Variants in MAPK10 observed in about 807,000 individuals in gnomAD.
MAPK10 encodes JNK3 alpha protein kinase.
In MAPK10, 25 loss-of-function variants were observed where a neutral mutation model predicts 59.3. That is an observed-to-expected ratio of 0.42 (90% CI 0.31 to 0.59). The LOEUF (loss-of-function observed/expected upper bound fraction) is 0.59, where lower values mean the gene tolerates loss of function less well. Among genes scored for constraint, MAPK10 ranks in the 20% least tolerant of loss-of-function variants. The pLI is 0.15. For missense variants in MAPK10, 351 were observed against 568.9 expected, an observed-to-expected ratio of 0.62 and a Z score of 3.90; for synonymous variants, 190 against 200.5, an observed-to-expected ratio of 0.95 and a Z score of 0.44.
chr4:86,155,882 C>A (rs1488337745), intron 4 of MAPK10, among the ~76,000 whole-genome samples: 1 of 151,944 alleles, frequency 6.6e-6, no homozygotes, highest in African/African-American at 2.4e-5. Flanking sequence ...TGAACACAAG[C>A]ACTGCAATAT....
chr4:86,350,363 C>T (rs1340270607), intron 2 of MAPK10, among the ~76,000 whole-genome samples: 10 of 152,094 alleles, frequency 6.6e-5, no homozygotes, highest in African/African-American at 1.9e-4. Context: ...TACAGGAACC[C>T]GCCACCATGC....
At chr4:86,089,272 T>C (rs766242126) in intron 9 of MAPK10, 117 of 1,610,438 alleles carry the variant, frequency 7.3e-5, no homozygotes, top group Non-Finnish European at 9.8e-5. Context: ...ACTGACCACA[T>C]GTCAACTGAA....
chr4:86,254,821 T>C (rs1274629368), intron 2 of MAPK10, among the ~76,000 whole-genome samples: 2 of 151,898 alleles, frequency 1.3e-5, no homozygotes, highest in African/African-American at 4.8e-5. Context: ...AGTCTCTTTG[T>C]AGGTCACTCA....
intron 9 of MAPK10, chr4:86,089,222 C>T: frequency 6.2e-7 from 1 of 1,612,228 alleles, no homozygotes; most frequent in Non-Finnish European, 8.5e-7. Context: ...TGCCAGGAAA[C>T]AGCACTGCAC....
chr4:86,300,885 A>G (rs1265709651), intron 2 of MAPK10: 1 of 141,640 alleles, frequency 7.1e-6, no homozygotes, highest in Non-Finnish European at 1.6e-5. Flanking sequence ...TCAAATTGTT[A>G]AAGTATTAAA....
At chr4:86,225,336 T>C (rs1355879188) in intron 2 of MAPK10, among the ~76,000 whole-genome samples, 2 of 152,180 alleles carry the variant, frequency 1.3e-5, no homozygotes, top group Non-Finnish European at 2.9e-5. Context: ...GGTGCCTACA[T>C]GACTAGCCAC....
chr4:86,023,446 G>A (rs976125177), intron 13 of MAPK10, among the ~76,000 whole-genome samples: 1 of 152,056 alleles, frequency 6.6e-6, no homozygotes, highest in African/African-American at 2.4e-5. Flanking sequence ...ATTTTAAGAT[G>A]GGGCTTGTCA....
chr4:86,353,314 G>A (rs934151285), intron 2 of MAPK10, among the ~76,000 whole-genome samples: 30 of 152,034 alleles, frequency 2.0e-4, no homozygotes, highest in African/African-American at 7.0e-4. Flanking sequence ...TCTTTTATCT[G>A]CCCCAAAAGC....
intron 2 of MAPK10, among the ~76,000 whole-genome samples, chr4:86,310,537 G>A (rs928324874): frequency 2.6e-5 from 4 of 152,134 alleles, no homozygotes; most frequent in Admixed American, 2.6e-4. Context: ...AACGTGCATA[G>A]TACATTGGAT....
chr4:86,372,564 G>GAAAGAAAGAAAGAAAGAGAAAAGAAAAGA, intron 1 of MAPK10, among the ~76,000 whole-genome samples: 1 of 78,690 alleles, frequency 1.3e-5, no homozygotes, highest in Non-Finnish European at 2.8e-5. Flanking sequence ...AAGAAAGAAA[G>GAAAGAAAGAAAGAAAGAGAAAAGAAAAGA]AAAGAAAAGA....
rs544302606 is a variant in MAPK10 at position 86,401,022 on chromosome 4, A to G, written c.-121-46378T>C. On this transcript the variant is annotated intron_variant, in intron 1 of 13. Coordinates refer to the MAPK10 transcript ENST00000361569. ...CAGTTAATAAATTGTAACTTAAAAA[A>G]TTACAAATTAGTGGTCTTAGTATAT... is the stretch of plus-strand genomic sequence containing the variant. Among the ~76,000 whole-genome samples the G allele has an allele frequency of 2.7e-4, 41 of 152,318 alleles. No homozygotes were observed. In the South Asian group the frequency reaches 8.3e-3, roughly 31 times the overall value.
intron 1 of MAPK10, among the ~76,000 whole-genome samples, chr4:86,489,152 C>A (rs1382780531): frequency 1.3e-5 from 2 of 152,180 alleles, no homozygotes; most frequent in Non-Finnish European, 2.9e-5. Context: ...CCAGAAGCAG[C>A]AGATGACTAC....
At chr4:86,335,128 C>A (rs900758606) in intron 2 of MAPK10, 7 of 152,172 alleles carry the variant, frequency 4.6e-5, no homozygotes, top group Non-Finnish European at 8.8e-5. Flanking sequence ...CACACACCAA[C>A]CCTGCGCCTC....
At chr4:86,058,013 T>C (rs1334726243) in intron 11 of MAPK10, among the ~76,000 whole-genome samples, 2 of 149,608 alleles carry the variant, frequency 1.3e-5, no homozygotes, top group Admixed American at 1.3e-4. Flanking sequence ...CATCAACACA[T>C]AAAAGGAAGG....
chr4:86,295,871 A>G (rs1196678210), intron 2 of MAPK10, among the ~76,000 whole-genome samples: 3 of 150,816 alleles, frequency 2.0e-5, no homozygotes, highest in Non-Finnish European at 2.9e-5. Flanking sequence ...AAAACAAAAC[A>G]AAGACTCAAA....
intron 2 of MAPK10, chr4:86,220,062 G>A (rs997036006): frequency 6.6e-6 from 1 of 152,100 alleles, no homozygotes; most frequent in Non-Finnish European, 1.5e-5. Context: ...ATGATACATT[G>A]AGTTACATTT....
At chr4:86,318,478 T>C (rs982733158) in intron 2 of MAPK10, among the ~76,000 whole-genome samples, 2 of 152,184 alleles carry the variant, frequency 1.3e-5, no homozygotes, top group Non-Finnish European at 2.9e-5. Context: ...TCTTGCCCCA[T>C]GCGTTTTAAA....
chr4:86,409,172 G>T (rs994879235), intron 1 of MAPK10, among the ~76,000 whole-genome samples: 6 of 152,034 alleles, frequency 3.9e-5, no homozygotes, highest in African/African-American at 1.4e-4. Flanking sequence ...CTTTCCCCAT[G>T]GCTTGTTTTT....
intron 2 of MAPK10, among the ~76,000 whole-genome samples, chr4:86,288,958 A>G (rs1331259058): frequency 6.6e-6 from 1 of 151,976 alleles, no homozygotes; most frequent in Non-Finnish European, 1.5e-5. Context: ...TGCCCTAAAT[A>G]GGCAACAGAA....
Sources: gnomAD v4.1 joint callset for allele counts (sites outside exome capture counted in the v4.1 genomes callset) on GRCh38, gnomAD v4.1.1 for gene constraint, MANE v1.5 for transcripts, NCBI Gene and HGNC (gene_info 2026-07-23, HGNC 2026-07-21) for gene names.